ZFAND3: variants seen among roughly 807,000 people sequenced by gnomAD.
The protein encoded by ZFAND3 is AN1-type zinc finger protein 3.
ZFAND3 carries 10 observed loss-of-function variants against 29.6 expected under a neutral mutation model. The observed-to-expected ratio is 0.34, with a 90% CI of 0.21 to 0.57. The LOEUF (loss-of-function observed/expected upper bound fraction) is 0.57. Ranked by LOEUF, ZFAND3 falls within the 20% of genes least tolerant of loss-of-function variation. The probability of loss-of-function intolerance (pLI) is 0.86; values close to 1 mark genes in which losing one functional copy is unlikely to be tolerated. For synonymous variants in ZFAND3, 128 were observed against 112.6 expected (o/e 1.14, Z -0.87); for missense variants, 230 against 304.5 (o/e 0.76, Z 1.82).
At chr6:37,918,223 C>T (rs1761298935) in intron 1 of ZFAND3, among the ~76,000 whole-genome samples, 1 of 151,994 alleles carries the variant, frequency 6.6e-6, no homozygotes, top group Non-Finnish European at 1.5e-5. Context: ...ACTACAGGCA[C>T]CCACCACCAC....
intron 3 of ZFAND3, among the ~76,000 whole-genome samples, chr6:38,064,806 C>T (rs1273226673): frequency 1.3e-5 from 2 of 151,658 alleles, no homozygotes; most frequent in African/African-American, 2.4e-5. Context: ...GACTTATACT[C>T]TCTGAAGCTA....
intron 4 of ZFAND3, among the ~76,000 whole-genome samples, chr6:38,114,998 A>G (rs576861116): frequency 2.0e-5 from 3 of 152,230 alleles, no homozygotes; most frequent in Non-Finnish European, 4.4e-5. Flanking sequence ...AAGAATAGGG[A>G]TTCAGTGATC....
chr6:37,835,577 A>G (rs1262063436), intron 1 of ZFAND3, among the ~76,000 whole-genome samples: 2 of 152,018 alleles, frequency 1.3e-5, no homozygotes, highest in Admixed American at 6.6e-5. Context: ...AAATTATAAA[A>G]TGAGTGTATT....
chr6:37,903,583 A>G (rs1765357397), intron 1 of ZFAND3, among the ~76,000 whole-genome samples: 2 of 152,248 alleles, frequency 1.3e-5, no homozygotes, highest in South Asian at 4.1e-4. Context: ...AGTATGTAAC[A>G]TTGACCCTAG....
intron 2 of ZFAND3, among the ~76,000 whole-genome samples, chr6:37,971,050 T>C (rs1464167035): frequency 3.3e-5 from 5 of 152,262 alleles, no homozygotes; most frequent in Non-Finnish European, 7.3e-5. Context: ...GTGATGTTGA[T>C]ACAAGTGTAT....
chr6:38,091,294 G>GT (rs35946762), intron 4 of ZFAND3, among the ~76,000 whole-genome samples: 12,045 of 146,836 alleles, frequency 0.082, 604 homozygotes, highest in African/African-American at 0.15. Context: ...GTTACAGCTG[G>GT]TTTTTTTTTT....
intron 2 of ZFAND3, among the ~76,000 whole-genome samples, chr6:38,031,537 C>T (rs112511098): frequency 1.3e-5 from 2 of 152,266 alleles, no homozygotes; most frequent in African/African-American, 4.8e-5. Flanking sequence ...ATCTTTCTTT[C>T]GTGCTGGAGG....
At chr6:37,921,394 A>C (rs904772967) in intron 1 of ZFAND3, among the ~76,000 whole-genome samples, 1 of 148,718 alleles carries the variant, frequency 6.7e-6, no homozygotes, top group Admixed American at 6.7e-5. Context: ...ACTTTTCTCT[A>C]TTTTTCTTGT....
At chr6:37,951,456 A>G (rs532027270) in intron 2 of ZFAND3, among the ~76,000 whole-genome samples, 110 of 152,214 alleles carry the variant, frequency 7.2e-4, no homozygotes, top group Non-Finnish European at 1.4e-3. Context: ...TTAGCCAGGC[A>G]TAGTGGTGGG....
chr6:37,919,653 T>C (rs1761335600), intron 1 of ZFAND3, among the ~76,000 whole-genome samples: 1 of 152,206 alleles, frequency 6.6e-6, no homozygotes. Flanking sequence ...CTTGACGTCA[T>C]TTATGATCTT....
intron 2 of ZFAND3, among the ~76,000 whole-genome samples, chr6:37,984,901 T>G (rs1373688196): frequency 2.0e-5 from 3 of 152,220 alleles, no homozygotes; most frequent in African/African-American, 7.2e-5. Context: ...GCTGTATGTG[T>G]TACGTGTTCA....
chr6:38,151,295 T>C (rs556640107), intron 5 of ZFAND3, among the ~76,000 whole-genome samples: 254 of 152,324 alleles, frequency 1.7e-3, no homozygotes, highest in Non-Finnish European at 3.2e-3. Flanking sequence ...CTTTTTCTCT[T>C]ATTTGCCAGA....
chr6:38,152,884 C>A lies in ZFAND3; in HGVS notation c.*495C>A, dbSNP rs876818. On this transcript the variant is annotated 3_prime_UTR_variant, in exon 6 of 6. Coordinates refer to ENST00000287218, the MANE Select transcript of ZFAND3 (RefSeq NM_021943.3). ...CTGATGGCCACGTGTGCCTTGGCCA[C>A]GGGAGGCTGCTGAGATTGGCCACGT... The A allele has an allele frequency of 1.0e-6, 1 of 985,828 alleles. No individual in the cohort carries two copies. The highest frequency in any genetic ancestry group is 4.7e-5 in the South Asian group (1 of 21,284). 61.1% of individuals were successfully genotyped at this position (985,828 alleles called of 1,614,324 possible). A position where few individuals can be genotyped will look rare whatever the true frequency, so the allele number is the denominator to read the frequency against.
At chr6:38,139,608 C>T (rs762455705) in intron 5 of ZFAND3, among the ~76,000 whole-genome samples, 1 of 152,064 alleles carries the variant, frequency 6.6e-6, no homozygotes, top group Non-Finnish European at 1.5e-5. Flanking sequence ...CAAGGGGAAG[C>T]GGCAGCCAGG....
intron 1 of ZFAND3, among the ~76,000 whole-genome samples, chr6:37,910,653 A>G (rs1055404095): frequency 4.6e-5 from 7 of 152,188 alleles, no homozygotes; most frequent in Non-Finnish European, 7.4e-5. Context: ...AATTGTTACT[A>G]AGTATAATCA....
intron 1 of ZFAND3, among the ~76,000 whole-genome samples, chr6:37,919,453 T>TC (rs1403168527): frequency 6.6e-6 from 1 of 152,228 alleles, no homozygotes; most frequent in Non-Finnish European, 1.5e-5. Context: ...AAATTATTAT[T>TC]TAATATTTAC....
rs552015029 is a variant in ZFAND3, at chr6:37,885,747, A to G, written c.72-44212A>G. Among the ~76,000 whole-genome samples, 6 of 152,086 alleles carry G rather than the reference A, an allele frequency of 3.9e-5. No homozygotes were observed. In the East Asian group the frequency reaches 7.8e-4, roughly 20 times the overall value. On this transcript the variant is annotated intron_variant, in intron 1 of 5. Transcript: ENST00000287218. ...TGTCCAAAATTATTTCCTTGAGATT[A>G]CTCCTTTAAAAGACAGCACTTAATT...
At position 38,123,719 on chromosome 6, in the gene ZFAND3, C is replaced by T. The variant is rs141800342; in HGVS notation, c.529+6980C>T. On this transcript the variant is annotated intron_variant, in intron 5 of 5. Transcript: ENST00000287218. ...TCAAGAATGAAGCTGCGGACCCTTG[C>T]GGTGAGTGTTACGGTTCTTAAAGGT... Among the ~76,000 whole-genome samples, 72 of 152,160 alleles carry T rather than the reference C, an allele frequency of 4.7e-4. 1 individual carries two copies. In the East Asian group the frequency reaches 0.011, roughly 22 times the overall value.
At chr6:38,093,494 C>T (rs1764913549) in intron 4 of ZFAND3, among the ~76,000 whole-genome samples, 3 of 151,990 alleles carry the variant, frequency 2.0e-5, no homozygotes. Flanking sequence ...TAAAACTGTG[C>T]AAATGAATAA....
Sources: gnomAD v4.1 joint callset for allele counts (sites outside exome capture counted in the v4.1 genomes callset) on GRCh38, gnomAD v4.1.1 for gene constraint, MANE v1.5 for transcripts, NCBI Gene and HGNC (gene_info 2026-07-23, HGNC 2026-07-21) for gene names.